The following LRFN3 variants were observed in gnomAD, a reference collection of about 807,000 sequenced individuals.
LRFN3 encodes the protein leucine-rich repeat and fibronectin type-III domain-containing protein 3.
Under a neutral mutation model 23.8 loss-of-function variants are expected in LRFN3, and 8 were observed. The observed-to-expected ratio is 0.34, with a 90% CI of 0.20 to 0.61. The LOEUF (loss-of-function observed/expected upper bound fraction) is 0.61, where lower values mean the gene tolerates loss of function less well. LRFN3 is among the 20% of genes least tolerant of loss of function. The probability of loss-of-function intolerance (pLI) is 0.80; values close to 1 mark genes in which losing one functional copy is unlikely to be tolerated. For missense variants in LRFN3, 736 were observed against 935.3 expected (o/e 0.79, Z 2.78); for synonymous variants, 451 against 450.6 (o/e 1.00, Z -0.01).
At position 35,939,602 on chromosome 19, in the gene LRFN3, C is replaced by T. The variant is rs373149661; in HGVS notation, c.177C>T (p.Arg59=). 393 of 1,608,998 alleles carry T rather than the reference C, an allele frequency of 2.4e-4. No homozygotes were observed. The highest frequency in any genetic ancestry group is 3.3e-4 in the Middle Eastern group (2 of 6,052). Residue 59 remains arginine, a synonymous_variant, in exon 2 of 3, where the codon CGC becomes CGT. Transcript: ENST00000246529. This position sits in a 1 kb window ranked among gnomAD's most constrained non-coding sequence, Gnocchi z 6.4. ...TGTTCGTGCCACCCTCGCTGGACCG[C>T]CGGGCAGCCGAGCTGCGGCTGGCAG... ...GLLFVPPSLD[R]RAAELRLADN...
chr19:35,937,135 C>A lies in LRFN3; in HGVS notation c.-437C>A, dbSNP rs535127509. The stretch of plus-strand genomic sequence containing the variant: ...CTGTGGGATTCCAAGGGGCCTGAAC[C>A]CGAGTTTGGGCCTGAAGTCCTTGCT... On this transcript the variant is annotated 5_prime_UTR_variant, in exon 1 of 3. Coordinates refer to ENST00000246529, the MANE Select transcript of LRFN3 (RefSeq NM_024509.2). 6.6e-6 allele frequency: 1 copy of A among 152,240 alleles called. No individual in the cohort carries two copies. Among genetic ancestry groups the A allele is most frequent in the Admixed American group, 6.5e-5 (1 of 15,276 alleles). 9.4% of individuals were successfully genotyped at this position (152,240 alleles called of 1,614,324 possible). A position where few individuals can be genotyped will look rare whatever the true frequency, so the allele number is the denominator to read the frequency against.
chr19:35,941,075 CG>C (rs1568514506), intron 2 of LRFN3, among the ~76,000 whole-genome samples: 15 of 151,940 alleles, frequency 9.9e-5, no homozygotes. Context: ...ACAAGAAGGA[CG>C]AAGTAAATGA....
rs568580879 is a variant in LRFN3 at position 35,937,229 on chromosome 19, T to C, written c.-343T>C. 6.6e-6 allele frequency: 1 copy of C among 152,280 alleles called. No homozygotes were observed. The highest frequency in any genetic ancestry group is 1.9e-4 in the East Asian group (1 of 5,182). 9.4% of individuals were successfully genotyped at this position (152,280 alleles called of 1,614,324 possible). On this transcript the variant is annotated 5_prime_UTR_variant, in exon 1 of 3. The change abolishes an upstream ATG in the 5' untranslated region. Transcript: ENST00000246529. ...TTGACTCAGCACCCCAATATCTGAA[T>C]GCAGAACCCCGGGATCGGATCTCAG... is the stretch of plus-strand genomic sequence containing the variant.
In LRFN3 at chr19:35,945,035, T is replaced by A. The variant is rs201851860; in HGVS notation, c.*16T>A. 4.9e-5 allele frequency: 45 copies of A among 918,934 alleles called. No homozygotes were observed. Among genetic ancestry groups the A allele is most frequent in the Non-Finnish European group, 5.4e-5 (38 of 701,560 alleles). 56.9% of individuals were successfully genotyped at this position (918,934 alleles called of 1,614,324 possible). On this transcript the variant is annotated 3_prime_UTR_variant, in exon 3 of 3. Coordinates refer to ENST00000246529, the MANE Select transcript of LRFN3 (RefSeq NM_024509.2). ...GGGACCCTAGCCAGGCGCCCCCCCC[T>A]CTAAGGGTCCTCTGGCCCCACGGAC...
intron 2 of LRFN3, among the ~76,000 whole-genome samples, chr19:35,941,879 T>TTTTTC (rs1347349077): frequency 7.1e-6 from 1 of 141,280 alleles, no homozygotes; most frequent in African/African-American, 2.7e-5. Flanking sequence ...CAGTGTAGAT[T>TTTTTC]TTTTCTTTTC....
rs1976089075 is a variant in LRFN3 at position 35,939,329 on chromosome 19, G to A, written c.-16-81G>A. ...AGCCCTTCTGCCCTCAGCCCACTGT[G>A]ACCTTCTCTCCTGGTCTCAGACCAC... On this transcript the variant is annotated intron_variant, in intron 1 of 2. Transcript: ENST00000246529. This position sits in a 1 kb window ranked among gnomAD's most constrained non-coding sequence, Gnocchi z 6.4. The A allele has an allele frequency of 5.7e-6, 8 of 1,415,862 alleles. No homozygotes were observed. Among genetic ancestry groups the A allele is most frequent in the Non-Finnish European group, 7.6e-6 (8 of 1,055,018 alleles). The allele number at this position is 1,415,862 out of a possible 1,614,324, so 87.7% of individuals were successfully genotyped here. A position where few individuals can be genotyped will look rare whatever the true frequency, so the allele number is the denominator to read the frequency against.
rs745408235 is a variant in LRFN3 at position 35,944,930 on chromosome 19, G to A, written c.1798G>A (p.Ala600Thr). ...CCCCACGCCCACGCCCGCCCCGCCC[G>A]CCCCGGAGCCCGCGGCGCTCAGGGC... ...LGPTPTPAPPAPEPAALRAHT... is the reference protein window; with the variant it reads ...LGPTPTPAPPTPEPAALRAHT... The change falls in exon 3 of 3, where the codon GCC (alanine) becomes ACC (threonine). Residue 600 changes from alanine (A) to threonine (T), a missense_variant. Physicochemically the swap from Ala to Thr is moderately conservative, Grantham distance 58. This residue lies in a region of LRFN3 where 290 missense variants were observed against 287.4 expected (regional missense o/e 1.01). Coordinates refer to ENST00000246529, the MANE Select transcript of LRFN3 (RefSeq NM_024509.2). The surrounding 1 kb of genome is among the most constrained non-coding windows in gnomAD (Gnocchi z 4.5). 3 of 1,520,400 alleles carry A rather than the reference G, an allele frequency of 2.0e-6. No individual in the cohort carries two copies. The highest frequency in any genetic ancestry group is 2.6e-6 in the Non-Finnish European group (3 of 1,143,706). 94.2% of individuals were successfully genotyped at this position (1,520,400 alleles called of 1,614,324 possible).
At chr19:35,938,797 C>A (rs1054741574) in intron 1 of LRFN3, among the ~76,000 whole-genome samples, 8 of 152,174 alleles carry the variant, frequency 5.3e-5, no homozygotes, top group Non-Finnish European at 8.8e-5. Flanking sequence ...CCATCTGTAA[C>A]CCCTTCTCTT....
In LRFN3 at chr19:35,939,908, C is replaced by T. The variant is rs539548293; in HGVS notation, c.483C>T (p.Leu161=). The T allele has an allele frequency of 1.9e-5, 30 of 1,603,022 alleles. No homozygotes were observed. In the South Asian group the frequency reaches 2.6e-4, roughly 14 times the overall value. Residue 161 remains leucine (L), a synonymous_variant, in exon 2 of 3, where the codon CTC becomes CTT. Coordinates refer to ENST00000246529, the MANE Select transcript of LRFN3 (RefSeq NM_024509.2). The surrounding 1 kb of genome is among the most constrained non-coding windows in gnomAD (Gnocchi z 6.4). ...LDDCAETLED[L]DLSYNNLEQL... ...ATTGTGCCGAGACACTGGAGGACCT[C>T]GACCTCTCCTACAACAACCTCGAGC...
At position 35,944,011 on chromosome 19, in the gene LRFN3, A is replaced by G. The variant is rs1976149374; in HGVS notation, c.1416-537A>G. 6.6e-6 allele frequency among the ~76,000 whole-genome samples: 1 copy of G among 152,162 alleles called. No individual in the cohort carries two copies. Among genetic ancestry groups the G allele is most frequent in the African/African-American group, 2.4e-5 (1 of 41,440 alleles). On this transcript the variant is annotated intron_variant, in intron 2 of 2. Transcript: ENST00000246529. This position sits in a 1 kb window ranked among gnomAD's most constrained non-coding sequence, Gnocchi z 4.5. The stretch of plus-strand genomic sequence containing the variant: ...TTGAGACCAGCCTGGGCAATATAGC[A>G]AGAGCCTGTCTCTACAAAAAATTTA...
At chr19:35,938,508 A>T (rs1430360056) in intron 1 of LRFN3, among the ~76,000 whole-genome samples, 1 of 151,492 alleles carries the variant, frequency 6.6e-6, no homozygotes, top group East Asian at 1.9e-4. Flanking sequence ...CCCTCTGATA[A>T]TCTCTGGCCA....
rs760316868 is a variant in LRFN3 at position 35,944,710 on chromosome 19, A to T, written c.1578A>T (p.Pro526=). ...ARFSTEPALR[P]CGAPHAPFLG... Reference sequence around the variant, plus strand: ...TCTCCACCGAACCTGCGCTGCGGCCATGCGGGGCGCCGCACGCTCCCTTCC... The same window carrying T: ...TCTCCACCGAACCTGCGCTGCGGCCTTGCGGGGCGCCGCACGCTCCCTTCC... The change falls in exon 3 of 3, where the codon CCA becomes CCT. Residue 526 remains proline, a synonymous_variant. Coordinates refer to ENST00000246529, the MANE Select transcript of LRFN3 (RefSeq NM_024509.2). The surrounding 1 kb of genome is among the most constrained non-coding windows in gnomAD (Gnocchi z 4.5). The T allele has an allele frequency of 6.2e-7, 1 of 1,604,590 alleles. No individual in the cohort carries two copies. The highest frequency in any genetic ancestry group is 1.7e-5 in the Admixed American group (1 of 59,318).
At chr19:35,943,675 G>A (rs541260670) in intron 2 of LRFN3, among the ~76,000 whole-genome samples, 37 of 152,188 alleles carry the variant, frequency 2.4e-4, no homozygotes, top group African/African-American at 7.5e-4. Context: ...AATTGGATGG[G>A]GGTGGCTAGA....
rs1051915100 is a variant in LRFN3 at position 35,939,058 on chromosome 19, A to T, written c.-16-352A>T. On this transcript the variant is annotated intron_variant, in intron 1 of 2. Coordinates refer to ENST00000246529, the MANE Select transcript of LRFN3 (RefSeq NM_024509.2). This position sits in a 1 kb window ranked among gnomAD's most constrained non-coding sequence, Gnocchi z 6.4. The stretch of plus-strand genomic sequence containing the variant: ...ACTGCAGCCTCAAATTCTTGGGCTC[A>T]AATTGATCCTCCCACCTCAGTGTCC... 6.6e-6 allele frequency among the ~76,000 whole-genome samples: 1 copy of T among 152,138 alleles called. No individual in the cohort carries two copies. The highest frequency in any genetic ancestry group is 6.6e-5 in the Admixed American group (1 of 15,262).
At position 35,940,216 on chromosome 19, in the gene LRFN3, C is replaced by T. The variant is rs150434674; in HGVS notation, c.791C>T (p.Ala264Val). 1.5e-3 allele frequency: 2,491 copies of T among 1,608,406 alleles called. 11 individuals carry two copies. In the Middle Eastern group the frequency reaches 0.019, roughly 12 times the overall value. ...GAGCTGGTGTGGCTGCGTCGCCTGG[C>T]GCGGGAGGACGACCTCGAGGCCTGC... The part of the protein sequence containing the change: ...NCELVWLRRL[A>V]REDDLEACAS... The change falls in exon 2 of 3, where the codon GCG becomes GTG. Residue 264 changes from alanine to valine, a missense_variant. Coordinates refer to ENST00000246529, the MANE Select transcript of LRFN3 (RefSeq NM_024509.2).
Position 35,939,618 on chromosome 19 carries a change from C to T in LRFN3, c.193C>T (p.Arg65Trp), listed in dbSNP as rs1326582809. 2.5e-6 allele frequency: 4 copies of T among 1,608,914 alleles called. No homozygotes were observed. Among genetic ancestry groups the T allele is most frequent in the East Asian group, 2.2e-5 (1 of 44,882 alleles). The change falls in exon 2 of 3, where the codon CGG (arginine) becomes TGG (tryptophan). Residue 65 changes from arginine (R) to tryptophan (W), a missense_variant. By Grantham distance (101) the Arg-to-Trp change is moderately radical (BLOSUM62 -3). Around this residue, in one of 2 missense-constraint regions of LRFN3, gnomAD observed 446 missense variants for 647.9 expected, o/e 0.69. Coordinates refer to ENST00000246529, the MANE Select transcript of LRFN3 (RefSeq NM_024509.2). This position sits in a 1 kb window ranked among gnomAD's most constrained non-coding sequence, Gnocchi z 6.4. ...PSLDRRAAEL[R>W]LADNFIASVR... ...GCTGGACCGCCGGGCAGCCGAGCTG[C>T]GGCTGGCAGACAACTTCATCGCCTC...
At position 35,939,226 on chromosome 19, in the gene LRFN3, C is replaced by A. The variant is rs529334677; in HGVS notation, c.-16-184C>A. On this transcript the variant is annotated intron_variant, in intron 1 of 2. Transcript: ENST00000246529. The surrounding 1 kb of genome is among the most constrained non-coding windows in gnomAD (Gnocchi z 6.4). Reference sequence around the variant, plus strand: ...AGCCATCCTCCTGCCTCAGCCTCCCCAAATGCTGGGATTACATGTGTGAGC... The same window carrying A: ...AGCCATCCTCCTGCCTCAGCCTCCCAAAATGCTGGGATTACATGTGTGAGC... Among the ~76,000 whole-genome samples the A allele has an allele frequency of 2.6e-5, 4 of 152,288 alleles. No individual in the cohort carries two copies. Among genetic ancestry groups the A allele is most frequent in the African/African-American group, 9.6e-5 (4 of 41,554 alleles).
chr19:35,942,266 G>A (rs1307299172), intron 2 of LRFN3, among the ~76,000 whole-genome samples: 2 of 152,166 alleles, frequency 1.3e-5, no homozygotes, highest in African/African-American at 4.8e-5. Flanking sequence ...CCACACTTGT[G>A]GGGGATTCTC....
Position 35,945,092 on chromosome 19 carries a change from C to T in LRFN3, c.*73C>T, listed in dbSNP as rs1375840577. 2 of 878,126 alleles carry T rather than the reference C, an allele frequency of 2.3e-6. No individual in the cohort carries two copies. Among genetic ancestry groups the T allele is most frequent in the Admixed American group, 4.1e-5 (1 of 24,266 alleles). The allele number at this position is 878,126 out of a possible 1,614,324, so 54.4% of individuals were successfully genotyped here. On this transcript the variant is annotated 3_prime_UTR_variant, in exon 3 of 3. Coordinates refer to ENST00000246529, the MANE Select transcript of LRFN3 (RefSeq NM_024509.2). ...ACCCGGACACCCTGTGGGACCTGGC[C>T]TCAAACTCACCAAATCGCTCATGGT...
Sources: gnomAD v4.1 joint callset for allele counts (sites outside exome capture counted in the v4.1 genomes callset) on GRCh38, gnomAD v4.1.1 for gene constraint, gnomAD v4.1.1 regional missense constraint, Gnocchi (gnomAD v3.1) non-coding constraint, MANE v1.5 for transcripts, NCBI Gene and HGNC (gene_info 2026-07-23, HGNC 2026-07-21) for gene names.